The following XKR6 variants were observed in gnomAD, a reference collection of about 807,000 sequenced individuals.
XKR6 encodes the protein XK related 6, also known as XK-related protein 6.
A neutral mutation model predicts 56.7 loss-of-function variants in XKR6; 22 were observed. The observed-to-expected ratio is 0.39, with a 90% CI of 0.28 to 0.55. The LOEUF (loss-of-function observed/expected upper bound fraction) is 0.55. Ranked by LOEUF, XKR6 falls within the 20% of genes least tolerant of loss-of-function variation. XKR6 has a pLI of 0.66. For missense variants in XKR6, 852 were observed against 889.0 expected (o/e 0.96, Z 0.53); for synonymous variants, 524 against 387.8 (o/e 1.35, Z -4.13).
At chr8:11,048,443 C>T (rs1348341822) in intron 1 of XKR6, among the ~76,000 whole-genome samples, 1 of 152,166 alleles carries the variant, frequency 6.6e-6, no homozygotes, top group Non-Finnish European at 1.5e-5. Flanking sequence ...TGGTTTCAGA[C>T]TTGCAGAAAC....
chr8:10,986,025 G>C (rs1353889711), intron 1 of XKR6, among the ~76,000 whole-genome samples: 6 of 152,178 alleles, frequency 3.9e-5, no homozygotes, highest in Non-Finnish European at 7.3e-5. Flanking sequence ...ACTAATAGAT[G>C]ATAAAAATAT....
intron 1 of XKR6, among the ~76,000 whole-genome samples, chr8:11,001,674 G>C (rs1233106975): frequency 6.6e-6 from 1 of 152,196 alleles, no homozygotes; most frequent in East Asian, 1.9e-4. Flanking sequence ...CACCGCAAAA[G>C]CTCAGGCAGA....
intron 1 of XKR6, among the ~76,000 whole-genome samples, chr8:10,948,110 C>G (rs368384327): frequency 6.6e-6 from 1 of 152,156 alleles, no homozygotes; most frequent in African/African-American, 2.4e-5. Flanking sequence ...ATGCCAGGCA[C>G]CACCAAAATA....
At chr8:11,162,898 G>C (rs1801888230) in intron 1 of XKR6, among the ~76,000 whole-genome samples, 1 of 152,216 alleles carries the variant, frequency 6.6e-6, no homozygotes, top group Non-Finnish European at 1.5e-5. Flanking sequence ...TGTTTTAGGA[G>C]TTCACAGAAA....
In XKR6 at chr8:11,201,348, T is replaced by A; in HGVS notation, c.-9A>T. On this transcript the variant is annotated 5_prime_UTR_variant, in exon 1 of 3. Transcript: ENST00000416569. ...TCGGATTTCGCCGCCATCTTGACTCTCTTCCCAGCTCCGGAGGTTGGGGGG... is the reference window on the plus strand; with the variant it reads ...TCGGATTTCGCCGCCATCTTGACTCACTTCCCAGCTCCGGAGGTTGGGGGG... 8.8e-7 allele frequency: 1 copy of A among 1,142,688 alleles called. No homozygotes were observed. The highest frequency in any genetic ancestry group is 1.2e-6 in the Non-Finnish European group (1 of 864,922). 70.8% of individuals were successfully genotyped at this position (1,142,688 alleles called of 1,614,324 possible). A position where few individuals can be genotyped will look rare whatever the true frequency, so the allele number is the denominator to read the frequency against.
At chr8:10,973,261 T>C (rs1802460415) in intron 1 of XKR6, among the ~76,000 whole-genome samples, 1 of 152,198 alleles carries the variant, frequency 6.6e-6, no homozygotes, top group African/African-American at 2.4e-5. Context: ...GTGTCTTAGT[T>C]GGACAGAGAG....
chr8:11,059,687 G>A (rs1176213294), intron 1 of XKR6, among the ~76,000 whole-genome samples: 1 of 134,156 alleles, frequency 7.5e-6, no homozygotes, highest in African/African-American at 3.6e-5. Flanking sequence ...CGGCGGGCGC[G>A]GGGCGGGACA....
At chr8:11,006,757 G>A (rs1458358927) in intron 1 of XKR6, among the ~76,000 whole-genome samples, 1 of 152,176 alleles carries the variant, frequency 6.6e-6, no homozygotes, top group Non-Finnish European at 1.5e-5. Flanking sequence ...AGACCTTACA[G>A]ACCAAGCCAG....
intron 1 of XKR6, among the ~76,000 whole-genome samples, chr8:10,933,202 G>A (rs1801113841): frequency 8.7e-6 from 1 of 114,810 alleles, no homozygotes. Flanking sequence ...CTTCTTTTGA[G>A]AAGTGTCTGT....
chr8:10,914,787 A>G (rs1277005522), intron 2 of XKR6, among the ~76,000 whole-genome samples: 1 of 152,224 alleles, frequency 6.6e-6, no homozygotes, highest in Non-Finnish European at 1.5e-5. Context: ...AGGCTGTGGA[A>G]GCAGAGGGCT....
At chr8:11,141,932 T>A (rs1323828002) in intron 1 of XKR6, among the ~76,000 whole-genome samples, 1 of 151,730 alleles carries the variant, frequency 6.6e-6, no homozygotes, top group East Asian at 1.9e-4. Context: ...TGGTAACTGG[T>A]TATAGGGATG....
chr8:10,970,805 T>TAAA (rs34166964), intron 1 of XKR6, among the ~76,000 whole-genome samples: 11 of 133,154 alleles, frequency 8.3e-5, no homozygotes, highest in African/African-American at 2.2e-4. Context: ...AAAGGATCCT[T>TAAA]AAAAAAAAAA....
intron 1 of XKR6, chr8:11,123,991 C>T (rs376812502): frequency 1.2e-4 from 57 of 456,176 alleles, no homozygotes; most frequent in Admixed American, 6.1e-4. Flanking sequence ...CGTGAGCAGC[C>T]TCTCTAAAAC....
At chr8:11,069,949 A>G (rs756757668) in intron 1 of XKR6, among the ~76,000 whole-genome samples, 1 of 152,238 alleles carries the variant, frequency 6.6e-6, no homozygotes, top group Non-Finnish European at 1.5e-5. Context: ...AGGATTAGTC[A>G]ATAGAGGCCA....
chr8:11,043,223 A>G (rs1053576157), intron 1 of XKR6, among the ~76,000 whole-genome samples: 1 of 149,720 alleles, frequency 6.7e-6, no homozygotes, highest in South Asian at 2.1e-4. Context: ...GAGGAAGAGA[A>G]AAAAAAAAAG....
intron 1 of XKR6, among the ~76,000 whole-genome samples, chr8:11,164,773 T>C (rs1801987351): frequency 6.6e-6 from 1 of 152,232 alleles, no homozygotes; most frequent in Non-Finnish European, 1.5e-5. Flanking sequence ...TTTCTCAATA[T>C]CCATTTGTCA....
At chr8:10,955,621 G>C (rs1801862397) in intron 1 of XKR6, among the ~76,000 whole-genome samples, 2 of 152,310 alleles carry the variant, frequency 1.3e-5, no homozygotes, top group African/African-American at 2.4e-5. Context: ...CAAGTAGTTT[G>C]CCTAAGGTCA....
In XKR6 at chr8:11,023,508, C is replaced by T. The variant is rs187956919; in HGVS notation, c.765-98678G>A. ...CAAACTCCTGGGCTCAAGGGATCCT[C>T]CTTCCTCAACTTCCCAAAGTGCTGG... On this transcript the variant is annotated intron_variant, in intron 1 of 2. Coordinates refer to ENST00000416569, the MANE Select transcript of XKR6 (RefSeq NM_173683.4). Among the ~76,000 whole-genome samples, 436 of 152,352 alleles carry T rather than the reference C, an allele frequency of 2.9e-3. 1 individual carries two copies. Among genetic ancestry groups the T allele is most frequent in the Non-Finnish European group, 4.1e-3 (278 of 68,030 alleles).
intron 1 of XKR6, among the ~76,000 whole-genome samples, chr8:11,179,386 C>T (rs962687258): frequency 6.6e-6 from 1 of 152,184 alleles, no homozygotes; most frequent in Non-Finnish European, 1.5e-5. Context: ...TACTTTCAGT[C>T]CACCTAACAT....
Sources: gnomAD v4.1 joint callset for allele counts (sites outside exome capture counted in the v4.1 genomes callset) on GRCh38, gnomAD v4.1.1 for gene constraint, MANE v1.5 for transcripts, NCBI Gene and HGNC (gene_info 2026-07-23, HGNC 2026-07-21) for gene names.